The following DLGAP2 variants were observed in gnomAD, a reference collection of about 807,000 sequenced individuals.
DLGAP2 encodes the protein disks large-associated protein 2.
In DLGAP2, 26 loss-of-function variants were observed where a neutral mutation model predicts 100.3. That is an observed-to-expected ratio of 0.26 (90% CI 0.19 to 0.36). DLGAP2 has a LOEUF of 0.36. Among genes scored for constraint, DLGAP2 ranks in the 10% least tolerant of loss-of-function variants. The pLI is 1.00. For missense variants in DLGAP2, 1,858 were observed against 1,453.2 expected, an observed-to-expected ratio of 1.28 and a Z score of -4.53; for synonymous variants, 886 against 630.1, an observed-to-expected ratio of 1.41 and a Z score of -6.08.
chr8:1,515,414 G>GCA (rs1051191668), intron 4 of DLGAP2, among the ~76,000 whole-genome samples: 21 of 150,632 alleles, frequency 1.4e-4, no homozygotes, highest in East Asian at 1.4e-3. Context: ...ACACAGATGT[G>GCA]CACACACACA....
intron 3 of DLGAP2, among the ~76,000 whole-genome samples, chr8:1,438,633 G>C (rs1220884476): frequency 6.6e-6 from 1 of 152,148 alleles, no homozygotes; most frequent in Non-Finnish European, 1.5e-5. Context: ...TATACATGGA[G>C]AAAAAGCCGG....
intron 2 of DLGAP2, among the ~76,000 whole-genome samples, chr8:1,057,567 T>C (rs544129621): frequency 1.4e-4 from 21 of 152,372 alleles, no homozygotes; most frequent in Non-Finnish European, 2.5e-4. Context: ...TGATTTCTTA[T>C]GTCTATCTAT....
chr8:912,404 A>G (rs1425945985), intron 2 of DLGAP2, among the ~76,000 whole-genome samples: 1 of 152,154 alleles, frequency 6.6e-6, no homozygotes, highest in African/African-American at 2.4e-5. Context: ...TGACTCTGAA[A>G]TCAGGTCCCC....
intron 1 of DLGAP2, among the ~76,000 whole-genome samples, chr8:869,538 A>T (rs971199551): frequency 1.3e-5 from 2 of 152,228 alleles, no homozygotes; most frequent in Non-Finnish European, 2.9e-5. Flanking sequence ...GTCACAATTA[A>T]TCACTTTAAA....
At chr8:1,353,234 T>G (rs1041237383) in intron 3 of DLGAP2, among the ~76,000 whole-genome samples, 3 of 152,324 alleles carry the variant, frequency 2.0e-5, no homozygotes, top group South Asian at 4.1e-4. Flanking sequence ...AGCACAGGGC[T>G]GTGTGTGCAC....
At chr8:1,506,620 C>T (rs984075468) in intron 4 of DLGAP2, among the ~76,000 whole-genome samples, 10 of 152,176 alleles carry the variant, frequency 6.6e-5, no homozygotes, top group East Asian at 1.9e-4. Context: ...TTGCCAGTGC[C>T]GGCTCAGGCA....
chr8:907,971 A>G lies in DLGAP2; in HGVS notation c.73+5A>G, dbSNP rs892717529. 1 of 399,024 alleles carries G rather than the reference A, an allele frequency of 2.5e-6. No individual in the cohort carries two copies. Among genetic ancestry groups the G allele is most frequent in the Admixed American group, 4.4e-5 (1 of 22,742 alleles). 24.7% of individuals were successfully genotyped at this position (399,024 alleles called of 1,614,324 possible). On this transcript the variant is annotated splice_donor_5th_base_variant and intron_variant, in intron 2 of 14. Transcript: ENST00000637795. ...TCTTACCAGACAGGAATACAGGTAAATACATTTCATTCTTCTGATTTGGGA... is the reference window on the plus strand; with the variant it reads ...TCTTACCAGACAGGAATACAGGTAAGTACATTTCATTCTTCTGATTTGGGA...
At chr8:1,526,648 C>A (rs559180507) in intron 4 of DLGAP2, among the ~76,000 whole-genome samples, 1 of 152,336 alleles carries the variant, frequency 6.6e-6, no homozygotes, top group South Asian at 2.1e-4. Flanking sequence ...TTCATCTTTT[C>A]ACTCTGCCAT....
chr8:1,689,195 G>T (rs544807900), intron 12 of DLGAP2, among the ~76,000 whole-genome samples: 1 of 152,304 alleles, frequency 6.6e-6, no homozygotes, highest in African/African-American at 2.4e-5. Context: ...CCACAGTCAG[G>T]TGTGCCCTGG....
chr8:973,513 A>T (rs11786507), intron 2 of DLGAP2, among the ~76,000 whole-genome samples: 24,852 of 150,908 alleles, frequency 0.16, 2,584 homozygotes, highest in Non-Finnish European at 0.24. Flanking sequence ...ATCTCAGACG[A>T]TGGGCGGCCG....
chr8:835,973 T>G lies in DLGAP2; in HGVS notation c.19-71939T>G, dbSNP rs1443431664. Among the ~76,000 whole-genome samples the G allele has an allele frequency of 7.2e-5, 11 of 152,332 alleles. No individual in the cohort carries two copies. In the Middle Eastern group the frequency reaches 0.01, roughly 141 times the overall value. ...CTTTTCTCACAGGTTTGGTCATTTT[T>G]GGGTGTAAGACACGTTCCTTCCTTG... On this transcript the variant is annotated intron_variant, in intron 1 of 14. Coordinates refer to ENST00000637795, the MANE Select transcript of DLGAP2 (RefSeq NM_001346810.2).
chr8:926,094 C>T (rs1028346483), intron 2 of DLGAP2, among the ~76,000 whole-genome samples: 4 of 152,142 alleles, frequency 2.6e-5, no homozygotes, highest in Admixed American at 6.5e-5. Context: ...GTCTGGGCCT[C>T]GCTGACTTGG....
chr8:1,173,009 G>GT (rs1797163329), intron 2 of DLGAP2, among the ~76,000 whole-genome samples: 1 of 152,082 alleles, frequency 6.6e-6, no homozygotes, highest in South Asian at 2.1e-4. Flanking sequence ...CATCTTTGTG[G>GT]TTTTATCTAC....
At chr8:1,264,949 C>T (rs1320636987) in intron 3 of DLGAP2, among the ~76,000 whole-genome samples, 1 of 152,194 alleles carries the variant, frequency 6.6e-6, no homozygotes, top group Non-Finnish European at 1.5e-5. Flanking sequence ...CACATGGTCT[C>T]TTGCCTGCTG....
At chr8:904,652 G>C (rs1192866981) in intron 1 of DLGAP2, among the ~76,000 whole-genome samples, 1 of 152,190 alleles carries the variant, frequency 6.6e-6, no homozygotes, top group Non-Finnish European at 1.5e-5. Flanking sequence ...GCCACGGAGG[G>C]GTTAGAAATC....
At chr8:1,546,070 T>A (rs947138295) in intron 4 of DLGAP2, among the ~76,000 whole-genome samples, 4 of 152,256 alleles carry the variant, frequency 2.6e-5, no homozygotes, top group Non-Finnish European at 5.9e-5. Context: ...CATTTGAAAA[T>A]TTGCTTTTAA....
At chr8:1,119,245 C>A (rs1795977959) in intron 2 of DLGAP2, among the ~76,000 whole-genome samples, 1 of 152,220 alleles carries the variant, frequency 6.6e-6, no homozygotes, top group Non-Finnish European at 1.5e-5. Flanking sequence ...GGTTTGGAAT[C>A]TTTTGTAGGA....
chr8:1,269,541 C>G (rs937824734), intron 3 of DLGAP2, among the ~76,000 whole-genome samples: 7 of 152,162 alleles, frequency 4.6e-5, no homozygotes, highest in African/African-American at 1.7e-4. Context: ...CCTGAAACCC[C>G]GTATTATTGT....
At chr8:1,134,586 C>T (rs1796365210) in intron 2 of DLGAP2, among the ~76,000 whole-genome samples, 1 of 152,230 alleles carries the variant, frequency 6.6e-6, no homozygotes, top group East Asian at 1.9e-4. Flanking sequence ...GCAATGTAAT[C>T]TAAAACATGA....
Sources: gnomAD v4.1 joint callset for allele counts (sites outside exome capture counted in the v4.1 genomes callset) on GRCh38, gnomAD v4.1.1 for gene constraint, MANE v1.5 for transcripts, NCBI Gene and HGNC (gene_info 2026-07-23, HGNC 2026-07-21) for gene names.